The following RAVER2 variants were observed in gnomAD, a reference collection of about 807,000 sequenced individuals.
RAVER2 encodes the protein ribonucleoprotein PTB-binding 2.
In RAVER2, 46 loss-of-function variants were observed where a neutral mutation model predicts 78.1. The ratio of observed to expected loss-of-function variants is 0.59; its 90% CI spans 0.46 to 0.75. The LOEUF is 0.75. Ranked by LOEUF, RAVER2 falls within the 30% of genes least tolerant of loss-of-function variation. The probability of loss-of-function intolerance (pLI) is 0.00; values close to 1 mark genes in which losing one functional copy is unlikely to be tolerated. For synonymous variants in RAVER2, 311 were observed against 313.3 expected, an observed-to-expected ratio of 0.99 and a Z score of 0.08; for missense variants, 793 against 837.5, an observed-to-expected ratio of 0.95 and a Z score of 0.66.
chr1:64,746,285 GTTC>G (rs1161418228), intron 1 of RAVER2, among the ~76,000 whole-genome samples: 10 of 152,116 alleles, frequency 6.6e-5, no homozygotes, highest in African/African-American at 2.4e-4. Flanking sequence ...CTGGGATGTT[GTTC>G]TTTTCTCTTT....
chr1:64,783,545 C>G (rs932024134), intron 4 of RAVER2, among the ~76,000 whole-genome samples: 4 of 152,052 alleles, frequency 2.6e-5, no homozygotes, highest in Non-Finnish European at 4.4e-5. Context: ...GAGAAGAAGA[C>G]ATTTGTTGTC....
chr1:64,746,030 C>T (rs1187211598), intron 1 of RAVER2, among the ~76,000 whole-genome samples: 1 of 152,216 alleles, frequency 6.6e-6, no homozygotes, highest in Non-Finnish European at 1.5e-5. Flanking sequence ...CCTGCTACGC[C>T]AAGTACAGTA....
intron 6 of RAVER2, among the ~76,000 whole-genome samples, chr1:64,804,480 C>T (rs1301675683): frequency 6.6e-6 from 1 of 151,998 alleles, no homozygotes. Flanking sequence ...ATGTCACTGT[C>T]ATTGAAACCA....
intron 5 of RAVER2, among the ~76,000 whole-genome samples, chr1:64,795,633 T>C (rs1232383562): frequency 6.6e-6 from 1 of 152,124 alleles, no homozygotes; most frequent in Non-Finnish European, 1.5e-5. Flanking sequence ...TATAGAAGTA[T>C]GACTGATTAA....
chr1:64,801,187 C>T (rs1461734722), intron 5 of RAVER2, among the ~76,000 whole-genome samples: 1 of 151,704 alleles, frequency 6.6e-6, no homozygotes, highest in African/African-American at 2.4e-5. Context: ...CAACCTCCGC[C>T]TCCCAGCCTC....
At chr1:64,821,494 A>G (rs550168376) in intron 11 of RAVER2, among the ~76,000 whole-genome samples, 31 of 152,228 alleles carry the variant, frequency 2.0e-4, no homozygotes, top group African/African-American at 7.5e-4. Flanking sequence ...ACCATATTGC[A>G]CTAAAACCGC....
intron 1 of RAVER2, among the ~76,000 whole-genome samples, chr1:64,765,821 C>G (rs1186324751): frequency 2.0e-5 from 3 of 151,660 alleles, no homozygotes; most frequent in Non-Finnish European, 4.4e-5. Context: ...GCTTCCATTT[C>G]CAGTCCAAAG....
At chr1:64,767,553 A>C (rs1652207814) in intron 1 of RAVER2, among the ~76,000 whole-genome samples, 1 of 152,064 alleles carries the variant, frequency 6.6e-6, no homozygotes, top group Non-Finnish European at 1.5e-5. Context: ...ACTTAACATA[A>C]TAGCACCTGT....
intron 8 of RAVER2, among the ~76,000 whole-genome samples, chr1:64,805,392 C>A (rs1653389417): frequency 6.6e-6 from 1 of 152,190 alleles, no homozygotes; most frequent in African/African-American, 2.4e-5. Context: ...GACTGACATG[C>A]TGCCCACTGG....
At chr1:64,821,442 G>A (rs542956442) in intron 11 of RAVER2, among the ~76,000 whole-genome samples, 7 of 152,176 alleles carry the variant, frequency 4.6e-5, no homozygotes, top group African/African-American at 1.7e-4. Context: ...ATTGCTTGTG[G>A]TGTCTTGTCA....
intron 11 of RAVER2, 23 bp from the exon 12 acceptor site, chr1:64,830,816 G>T (rs1654108598): frequency 6.4e-7 from 1 of 1,555,546 alleles, no homozygotes; most frequent in African/African-American, 1.4e-5. Context: ...TTTAAAACTA[G>T]CTGCAATTTT....
Position 64,745,179 on chromosome 1 carries a change from G to GCGGCGGCGGGAGA in RAVER2, c.17_29dup (p.Glu11ArgfsTer46). The GCGGCGGCGGGAGA allele has an allele frequency of 2.9e-6, 3 of 1,018,456 alleles. No homozygotes were observed. Among genetic ancestry groups the GCGGCGGCGGGAGA allele is most frequent in the Non-Finnish European group, 3.5e-6 (3 of 853,378 alleles). The allele number at this position is 1,018,456 out of a possible 1,614,324, so 63.1% of individuals were successfully genotyped here. ...CCGCTGGGCGCCCGGGAAGATGGCGGCGGCGGCGGGAGACGGCGGCGGCGA... is the reference window on the plus strand; with the variant it reads ...CCGCTGGGCGCCCGGGAAGATGGCGGCGGCGGCGGGAGACGGCGGCGGGAGACGGCGGCGGCGA... On this transcript the variant is annotated frameshift_variant, in exon 1 of 12. Coordinates refer to ENST00000294428, the Ensembl canonical transcript of RAVER2. LOFTEE classifies it high-confidence loss of function. This position sits in a 1 kb window ranked among gnomAD's most constrained non-coding sequence, Gnocchi z 4.3.
chr1:64,812,109 T>A (rs1472849974), intron 9 of RAVER2, among the ~76,000 whole-genome samples: 2 of 151,890 alleles, frequency 1.3e-5, no homozygotes, highest in Non-Finnish European at 2.9e-5. Flanking sequence ...ACTTTGGTGT[T>A]GAGCCAACAC....
chr1:64,778,520 C>T (rs1652536108), intron 3 of RAVER2, among the ~76,000 whole-genome samples: 1 of 151,956 alleles, frequency 6.6e-6, no homozygotes, highest in Admixed American at 6.6e-5. Context: ...ATTGCAAATC[C>T]TATATGAAGA....
chr1:64,754,053 T>A (rs771127472), intron 1 of RAVER2, among the ~76,000 whole-genome samples: 5 of 152,162 alleles, frequency 3.3e-5, no homozygotes, highest in Middle Eastern at 3.2e-3. Context: ...ATAATAATAA[T>A]AACCTTTGTT....
intron 2 of RAVER2, among the ~76,000 whole-genome samples, chr1:64,770,530 A>C (rs181756282): frequency 6.6e-6 from 1 of 152,024 alleles, no homozygotes; most frequent in Admixed American, 6.6e-5. Context: ...ACAAAGTGAA[A>C]TTTATGATGT....
chr1:64,801,096 G>A (rs1653249800), intron 5 of RAVER2, among the ~76,000 whole-genome samples: 1 of 148,828 alleles, frequency 6.7e-6, no homozygotes, highest in Non-Finnish European at 1.5e-5. Context: ...ATATAATTTT[G>A]TATATTATTA....
At chr1:64,759,154 G>T (rs1475317206) in intron 1 of RAVER2, among the ~76,000 whole-genome samples, 1 of 151,224 alleles carries the variant, frequency 6.6e-6, no homozygotes, top group Non-Finnish European at 1.5e-5. Flanking sequence ...TGTACAGTAA[G>T]TATATTTTCA....
intron 1 of RAVER2, among the ~76,000 whole-genome samples, chr1:64,758,258 A>G (rs1557582651): frequency 6.6e-6 from 1 of 152,150 alleles, no homozygotes. Flanking sequence ...GGTCCCCCAT[A>G]TTTTCTACCA....
Sources: gnomAD v4.1 joint callset for allele counts (sites outside exome capture counted in the v4.1 genomes callset) on GRCh38, gnomAD v4.1.1 for gene constraint, Gnocchi (gnomAD v3.1) non-coding constraint, MANE v1.5 for transcripts, NCBI Gene and HGNC (gene_info 2026-07-23, HGNC 2026-07-21) for gene names.